Variants in ANK2 observed in about 807,000 individuals in gnomAD.
ANK2 encodes ankyrin 2, also known as ankyrin-2.
A neutral mutation model predicts 360.5 loss-of-function variants in ANK2; 83 were observed. The ratio of observed to expected loss-of-function variants is 0.23; its 90% confidence interval spans 0.19 to 0.28. ANK2 has a LOEUF of 0.28. ANK2 is among the 10% of genes least tolerant of loss of function. ANK2 has a pLI of 1.00. For missense variants in ANK2, 4,201 were observed against 4,795.7 expected (o/e 0.88, Z 3.66); for synonymous variants, 1,740 against 1,759.5 (o/e 0.99, Z 0.28).
chr4:113,085,127 T>C (rs1304511106), intron 1 of ANK2, among the ~76,000 whole-genome samples: 1 of 152,232 alleles, frequency 6.6e-6, no homozygotes, highest in Non-Finnish European at 1.5e-5. Flanking sequence ...TTTCAGGTTG[T>C]ACAATTTATA....
intron 18 of ANK2, among the ~76,000 whole-genome samples, chr4:113,284,565 G>A (rs1490051488): frequency 6.6e-6 from 1 of 152,120 alleles, no homozygotes; most frequent in Non-Finnish European, 1.5e-5. Flanking sequence ...TTCTTTGACA[G>A]CGTTTTATCA....
chr4:112,818,334 G>C (rs561767169), intron 1 of ANK2: 16 of 152,374 alleles, frequency 1.1e-4, no homozygotes, highest in African/African-American at 3.8e-4. Flanking sequence ...TGTTGATAGG[G>C]GGTGCTGGAA....
intron 1 of ANK2, among the ~76,000 whole-genome samples, chr4:113,150,553 G>A (rs2097027728): frequency 2.0e-5 from 3 of 152,166 alleles, no homozygotes; most frequent in Non-Finnish European, 4.4e-5. Flanking sequence ...AAGATGAGTA[G>A]GACATGCAAA....
chr4:112,973,392 T>C (rs2040274422), intron 2 of ANK2, among the ~76,000 whole-genome samples: 1 of 152,190 alleles, frequency 6.6e-6, no homozygotes, highest in Non-Finnish European at 1.5e-5. Context: ...AGCAAAGTGA[T>C]GTGCTCAAGA....
chr4:113,065,699 A>G (rs1367230146), intron 1 of ANK2, among the ~76,000 whole-genome samples: 1 of 152,220 alleles, frequency 6.6e-6, no homozygotes, highest in Non-Finnish European at 1.5e-5. Flanking sequence ...GTATAGCTTT[A>G]GCAAAGCCCC....
chr4:113,116,688 A>G (rs1281209112), intron 1 of ANK2, among the ~76,000 whole-genome samples: 1 of 152,220 alleles, frequency 6.6e-6, no homozygotes, highest in African/African-American at 2.4e-5. Context: ...CGGCAGTAAC[A>G]GCAGTAGCAC....
the ANK2 span, among the ~76,000 whole-genome samples, chr4:112,801,198 T>C: frequency 6.6e-6 from 1 of 152,122 alleles, no homozygotes; most frequent in Non-Finnish European, 1.5e-5. Flanking sequence ...ATTTTTTGTG[T>C]GTGGGATTTA....
intron 17 of ANK2, among the ~76,000 whole-genome samples, chr4:113,282,118 G>T (rs188697349): frequency 2.1e-4 from 32 of 152,258 alleles, no homozygotes; most frequent in African/African-American, 7.2e-4. Context: ...TAAGATAATA[G>T]AAATAATTCC....
the ANK2 span, among the ~76,000 whole-genome samples, chr4:112,790,792 G>A: frequency 1.3e-5 from 2 of 152,074 alleles, no homozygotes; most frequent in African/African-American, 2.4e-5. Flanking sequence ...CTGCCCAACT[G>A]TTCCTTTCTT....
the ANK2 span, among the ~76,000 whole-genome samples, chr4:112,725,411 A>G: frequency 2.1e-5 from 2 of 95,884 alleles, no homozygotes; most frequent in Admixed American, 1.6e-4. Context: ...CCCAGGCTGG[A>G]GTGCAGTGGC....
At chr4:113,264,596 C>T (rs1488536600) in intron 13 of ANK2, among the ~76,000 whole-genome samples, 1 of 151,956 alleles carries the variant, frequency 6.6e-6, no homozygotes, top group African/African-American at 2.4e-5. Flanking sequence ...GTGGCAGGCA[C>T]CTGTAGTCCC....
chr4:113,277,028 A>C (rs979322047), intron 15 of ANK2, among the ~76,000 whole-genome samples: 1 of 152,216 alleles, frequency 6.6e-6, no homozygotes, highest in Non-Finnish European at 1.5e-5. Flanking sequence ...ATCTTAGTCC[A>C]GAGACTTATC....
chr4:113,268,378 G>T (rs1232723956), intron 14 of ANK2, among the ~76,000 whole-genome samples: 1 of 152,140 alleles, frequency 6.6e-6, no homozygotes, highest in Non-Finnish European at 1.5e-5. Context: ...TATGATATTG[G>T]CTGTGGGTTT....
chr4:112,857,219 G>GT (rs1206116094), intron 1 of ANK2, among the ~76,000 whole-genome samples: 1 of 152,134 alleles, frequency 6.6e-6, no homozygotes, highest in Non-Finnish European at 1.5e-5. Flanking sequence ...AGAAAAAAAA[G>GT]TTTTTAAAAG....
chr4:112,833,792 C>T (rs1026726086), intron 1 of ANK2, among the ~76,000 whole-genome samples: 4 of 152,152 alleles, frequency 2.6e-5, no homozygotes, highest in East Asian at 1.9e-4. Context: ...CGTGAGCCAC[C>T]GCACTCGGCC....
At chr4:112,764,886 A>C in the ANK2 span, among the ~76,000 whole-genome samples, 1 of 151,464 alleles carries the variant, frequency 6.6e-6, no homozygotes, top group African/African-American at 2.4e-5. Context: ...TTGTATTTTT[A>C]GTAGAGACGG....
At chr4:113,175,739 G>A (rs564645739) in intron 2 of ANK2, among the ~76,000 whole-genome samples, 8 of 152,304 alleles carry the variant, frequency 5.3e-5, no homozygotes, top group African/African-American at 1.9e-4. Flanking sequence ...TCAGTGAGGT[G>A]GTTGTTTCAA....
At chr4:112,947,087 G>A (rs2094589502) in intron 2 of ANK2, among the ~76,000 whole-genome samples, 1 of 152,190 alleles carries the variant, frequency 6.6e-6, no homozygotes, top group Admixed American at 6.5e-5. Flanking sequence ...TTGCATGCTT[G>A]TTGGGTCCAT....
At chr4:113,245,805 A>G (rs543691579) in intron 9 of ANK2, among the ~76,000 whole-genome samples, 1 of 152,070 alleles carries the variant, frequency 6.6e-6, no homozygotes, top group South Asian at 2.1e-4. Context: ...CTACATATGA[A>G]AATTTTTTTT....
Sources: gnomAD v4.1 joint callset for allele counts (sites outside exome capture counted in the v4.1 genomes callset) on GRCh38, gnomAD v4.1.1 for gene constraint, MANE v1.5 for transcripts, NCBI Gene and HGNC (gene_info 2026-07-23, HGNC 2026-07-21) for gene names.